The following COL27A1 variants were observed in gnomAD, a reference collection of about 807,000 sequenced individuals.
The protein encoded by COL27A1 is collagen type XXVII alpha 1 chain.
COL27A1 carries 106 observed loss-of-function variants against 251.3 expected under a neutral mutation model. That is an observed-to-expected ratio of 0.42 (90% CI 0.36 to 0.50). The LOEUF is 0.50. Ranked by LOEUF, COL27A1 falls within the 20% of genes least tolerant of loss-of-function variation. The pLI is 0.00. For missense variants in COL27A1, 2,325 were observed against 2,522.8 expected, an observed-to-expected ratio of 0.92 and a Z score of 1.68; for synonymous variants, 1,000 against 986.3, an observed-to-expected ratio of 1.01 and a Z score of -0.26.
At chr9:114,162,647 C>T in intron 1 of COL27A1, 68 bp from the exon 2 acceptor site, 2 of 1,216,620 alleles carry the variant, frequency 1.6e-6, no homozygotes, top group South Asian at 2.5e-5. Flanking sequence ...CTCCCAGCTT[C>T]CCCAGCCGGA....
At chr9:114,277,081 T>C (rs1442304066) in intron 37 of COL27A1, among the ~76,000 whole-genome samples, 1 of 152,150 alleles carries the variant, frequency 6.6e-6, no homozygotes, top group Non-Finnish European at 1.5e-5. Context: ...GCTGTGGGGC[T>C]GTGAGGATGA....
At chr9:114,187,086 A>T (rs1255032096) in intron 5 of COL27A1, among the ~76,000 whole-genome samples, 1 of 152,058 alleles carries the variant, frequency 6.6e-6, no homozygotes, top group Non-Finnish European at 1.5e-5. Context: ...TGGGAAGGAG[A>T]TGTGGTCAGC....
chr9:114,306,586 C>T lies in COL27A1; in HGVS notation c.5005C>T (p.Leu1669Phe), dbSNP rs11788703. 1.2e-6 allele frequency: 2 copies of T among 1,614,120 alleles called. No individual in the cohort carries two copies. The highest frequency in any genetic ancestry group is 1.7e-6 in the Non-Finnish European group (2 of 1,180,038). Residue 1669 changes from leucine (L) to phenylalanine (F), a missense_variant, in exon 58 of 61, where the codon CTC becomes TTC. Physicochemically the swap from Leu to Phe is conservative, Grantham distance 22 (BLOSUM62 0). Coordinates refer to ENST00000356083, the MANE Select transcript of COL27A1 (RefSeq NM_032888.4). ...GGEIFKTLHY[L>F]SNLIQSIKTP... ...AGAGATCTTTAAAACCTTACACTAC[C>T]TCAGCAACCTCATCCAGAGCATTAA... is the stretch of plus-strand genomic sequence containing the variant.
At chr9:114,156,560 G>C (rs1848134912) in intron 1 of COL27A1, among the ~76,000 whole-genome samples, 1 of 152,060 alleles carries the variant, frequency 6.6e-6, no homozygotes, top group Middle Eastern at 3.2e-3. Context: ...TGTGTTAGTC[G>C]GCCTGGGTCT....
chr9:114,178,380 T>C, intron 4 of COL27A1, 36 bp downstream of exon 4: 2 of 1,597,522 alleles, frequency 1.3e-6, no homozygotes, highest in Non-Finnish European at 1.7e-6. Flanking sequence ...GAACTCTTGG[T>C]GGCTCTTTGG....
chr9:114,285,002 C>T (rs981442919), intron 41 of COL27A1, among the ~76,000 whole-genome samples: 19 of 152,192 alleles, frequency 1.2e-4, no homozygotes, highest in Admixed American at 9.2e-4. Flanking sequence ...TTGTACCCAG[C>T]GCTGGAACGA....
At chr9:114,265,182 A>AT in intron 31 of COL27A1, 72 bp downstream of exon 31, 5 of 1,169,392 alleles carry the variant, frequency 4.3e-6, no homozygotes, top group Non-Finnish European at 5.1e-6. Context: ...TGCGGTGCTG[A>AT]TAATAACCAC....
intron 25 of COL27A1, 91 bp from the exon 26 acceptor site, chr9:114,252,502 T>G: frequency 9.3e-7 from 1 of 1,077,732 alleles, no homozygotes; most frequent in Non-Finnish European, 1.4e-6. Context: ...TACCTCTCTT[T>G]GAGCCTCTGG....
Position 114,284,712 on chromosome 9 carries a change from GT to G in COL27A1, c.3934-9del, listed in dbSNP as rs1413599925. 1.9e-6 allele frequency: 3 copies of G among 1,613,642 alleles called. No individual in the cohort carries two copies. In the African/African-American group the frequency reaches 4.0e-5, roughly 22 times the overall value. On this transcript the variant is annotated splice_polypyrimidine_tract_variant and intron_variant, in intron 40 of 60. Coordinates refer to ENST00000356083, the MANE Select transcript of COL27A1 (RefSeq NM_032888.4). Reference sequence around the variant, plus strand: ...CCTCATTCTCACTTCCCTCCTTCTTGTTTGCCTGCAGGGACACAAAGGCATT... The same window carrying G: ...CCTCATTCTCACTTCCCTCCTTCTTGTTGCCTGCAGGGACACAAAGGCATT...
At chr9:114,179,480 C>A (rs1433906853) in intron 4 of COL27A1, among the ~76,000 whole-genome samples, 1 of 152,244 alleles carries the variant, frequency 6.6e-6, no homozygotes, top group African/African-American at 2.4e-5. Flanking sequence ...TTTGCTCTGG[C>A]TGTCCTCCTT....
chr9:114,255,448 C>T (rs1029716284), intron 27 of COL27A1, among the ~76,000 whole-genome samples: 1 of 152,174 alleles, frequency 6.6e-6, no homozygotes, highest in Non-Finnish European at 1.5e-5. Flanking sequence ...GGGCCTGTCT[C>T]CCCATCTGTC....
intron 1 of COL27A1, among the ~76,000 whole-genome samples, chr9:114,157,676 T>C (rs1456612160): frequency 6.6e-6 from 1 of 152,074 alleles, no homozygotes; most frequent in Admixed American, 6.6e-5. Context: ...CCACTGGTGG[T>C]AGGGGACAGC....
At chr9:114,275,997 C>T (rs568177160) in intron 37 of COL27A1, among the ~76,000 whole-genome samples, 3 of 152,328 alleles carry the variant, frequency 2.0e-5, no homozygotes, top group Admixed American at 2.0e-4. Context: ...CTGTGCAAAC[C>T]TGGTCCCTGC....
At chr9:114,281,248 A>C (rs1478931261) in intron 37 of COL27A1, among the ~76,000 whole-genome samples, 1 of 151,494 alleles carries the variant, frequency 6.6e-6, no homozygotes, top group Non-Finnish European at 1.5e-5. Flanking sequence ...TGCCTGCCCC[A>C]CTCCCTCCAT....
intron 37 of COL27A1, among the ~76,000 whole-genome samples, chr9:114,276,376 C>T (rs558750211): frequency 5.3e-5 from 8 of 152,186 alleles, no homozygotes; most frequent in East Asian, 1.9e-4. Context: ...GCAGCCAAGG[C>T]GGGTGGATCA....
At chr9:114,234,212 T>TAAA (rs11415885) in intron 16 of COL27A1, among the ~76,000 whole-genome samples, 5 of 89,360 alleles carry the variant, frequency 5.6e-5, no homozygotes, top group Admixed American at 1.3e-4. Flanking sequence ...TCTTGGACAT[T>TAAA]AAAAAAAAAA....
At chr9:114,282,242 A>C in intron 37 of COL27A1, 35 bp from the exon 38 acceptor site, 1 of 1,595,266 alleles carries the variant, frequency 6.3e-7, no homozygotes, top group Non-Finnish European at 8.6e-7. Context: ...CTCTTCTCTC[A>C]TCTTTCTCTT....
Position 114,195,999 on chromosome 9 carries a change from C to A in COL27A1, c.2111C>A (p.Pro704His), listed in dbSNP as rs1435684048. ...GLPGLSGNPGPPGRKGHKGYP... is the reference protein window; with the variant it reads ...GLPGLSGNPGHPGRKGHKGYP... Reference sequence around the variant, plus strand: ...CCTGGGCTCTCCGGGAATCCAGGACCTCCGGGACGAAAGGTACTGTTTGGT... The same window carrying A: ...CCTGGGCTCTCCGGGAATCCAGGACATCCGGGACGAAAGGTACTGTTTGGT... Residue 704 changes from proline to histidine, a missense_variant, in exon 7 of 61, where the codon CCT (proline) becomes CAT (histidine). Around this residue, in one of 4 missense-constraint regions of COL27A1, gnomAD observed 1,183 missense variants for 1,144.1 expected, o/e 1.03. Coordinates refer to ENST00000356083, the MANE Select transcript of COL27A1 (RefSeq NM_032888.4). The A allele has an allele frequency of 3.1e-6, 5 of 1,614,116 alleles. No individual in the cohort carries two copies. Among genetic ancestry groups the A allele is most frequent in the Non-Finnish European group, 4.2e-6 (5 of 1,179,972 alleles).
At chr9:114,225,529 C>T (rs963923150) in intron 14 of COL27A1, among the ~76,000 whole-genome samples, 2 of 152,310 alleles carry the variant, frequency 1.3e-5, no homozygotes, top group South Asian at 2.1e-4. Context: ...TGCCTCCTTC[C>T]ACCCTGGATT....
Sources: allele counts gnomAD v4.1 joint callset (sites outside exome capture counted in the v4.1 genomes callset), GRCh38; gene constraint gnomAD v4.1.1; regional missense constraint gnomAD v4.1.1; transcripts MANE v1.5; gene names NCBI Gene and HGNC (gene_info 2026-07-23, HGNC 2026-07-21).